Variants in CALB1 observed in about 807,000 individuals in gnomAD.
The protein encoded by CALB1 is calbindin.
Under a neutral mutation model 46.7 loss-of-function variants are expected in CALB1, and 16 were observed. The ratio of observed to expected loss-of-function variants is 0.34; its 90% CI spans 0.23 to 0.52. CALB1 has a LOEUF of 0.52. Ranked by LOEUF, CALB1 falls within the 20% of genes least tolerant of loss-of-function variation. CALB1 has a pLI of 0.95. For missense variants in CALB1, 224 were observed against 300.3 expected (o/e 0.75, Z 1.88); for synonymous variants, 90 against 112.8 (o/e 0.80, Z 1.28).
chr8:90,063,554 A>G, intron 6 of CALB1, 93 bp from the exon 7 acceptor site: 1 of 1,052,312 alleles, frequency 9.5e-7, no homozygotes, highest in Middle Eastern at 2.9e-4. Flanking sequence ...TGAGTTATCA[A>G]CTACTTGTAT....
At chr8:90,073,881 G>A (rs1037421102) in intron 3 of CALB1, among the ~76,000 whole-genome samples, 19 of 152,188 alleles carry the variant, frequency 1.2e-4, no homozygotes, top group Non-Finnish European at 2.9e-5. Context: ...AGTACTAGTT[G>A]TGAGGAGAGT....
intron 2 of CALB1, among the ~76,000 whole-genome samples, chr8:90,081,260 C>T (rs1185856179): frequency 5.9e-5 from 9 of 152,152 alleles, no homozygotes; most frequent in Admixed American, 5.9e-4. Context: ...TGCTGCCCAT[C>T]AGAGTATCAC....
Position 90,082,827 on chromosome 8 carries a change from G to A in CALB1, c.-130C>T. On this transcript the variant is annotated 5_prime_UTR_variant, in exon 1 of 11. Coordinates refer to ENST00000265431, the MANE Select transcript of CALB1 (RefSeq NM_004929.4). The stretch of plus-strand genomic sequence containing the variant: ...GGGAGACCTGGGCGCGGGCGCTGCC[G>A]GGCGCTGTCCTCGGTGCTGCTCAGC... 1 of 819,916 alleles carries A rather than the reference G, an allele frequency of 1.2e-6. No individual in the cohort carries two copies. Among genetic ancestry groups the A allele is most frequent in the East Asian group, 2.5e-5 (1 of 40,108 alleles). The allele number at this position is 819,916 out of a possible 1,614,324, so 50.8% of individuals were successfully genotyped here.
intron 2 of CALB1, among the ~76,000 whole-genome samples, chr8:90,080,953 G>A (rs1200971428): frequency 6.6e-6 from 1 of 151,980 alleles, no homozygotes; most frequent in Non-Finnish European, 1.5e-5. Context: ...TCTAAACGTA[G>A]TCAAAAAGGC....
chr8:90,069,811 G>A (rs1427502385), intron 3 of CALB1, among the ~76,000 whole-genome samples: 1 of 152,106 alleles, frequency 6.6e-6, no homozygotes, highest in South Asian at 2.1e-4. Flanking sequence ...ATGAATGGTG[G>A]GGCGTTAAAC....
chr8:90,060,971 T>C (rs1185296534), intron 9 of CALB1: 4 of 389,844 alleles, frequency 1.0e-5, no homozygotes, highest in African/African-American at 2.1e-5. Context: ...GTTAATAATA[T>C]CTTCTAGGAC....
In CALB1 at chr8:90,076,902, T is replaced by C. The variant is rs577164200; in HGVS notation, c.231+1471A>G. On this transcript the variant is annotated intron_variant, in intron 3 of 10. Coordinates refer to ENST00000265431, the MANE Select transcript of CALB1 (RefSeq NM_004929.4). ...TGTGAATCAGATCAATGCCTTTTAC[T>C]GCACAATCTAGTATCACTGAAGAAA... Among the ~76,000 whole-genome samples the C allele has an allele frequency of 2.6e-5, 4 of 152,116 alleles. No individual in the cohort carries two copies. In the South Asian group the frequency reaches 6.2e-4, roughly 24 times the overall value.
chr8:90,067,590 G>A (rs1488058683), intron 5 of CALB1, among the ~76,000 whole-genome samples: 1 of 152,136 alleles, frequency 6.6e-6, no homozygotes, highest in Admixed American at 6.6e-5. Context: ...GGATAAAATT[G>A]AGTATGTTTT....
At chr8:90,072,658 C>T (rs1446838837) in intron 3 of CALB1, among the ~76,000 whole-genome samples, 1 of 152,130 alleles carries the variant, frequency 6.6e-6, no homozygotes, top group African/African-American at 2.4e-5. Flanking sequence ...CAGAGCTGGG[C>T]ACAGTAATTC....
At chr8:90,069,295 G>A (rs1437871394) in intron 3 of CALB1, 58 bp from the exon 4 acceptor site, 5 of 1,257,102 alleles carry the variant, frequency 4.0e-6, no homozygotes, top group Non-Finnish European at 4.7e-6. Flanking sequence ...ACAAGTCTCT[G>A]CCATTACCTG....
intron 3 of CALB1, among the ~76,000 whole-genome samples, chr8:90,077,562 T>C (rs570383520): frequency 6.6e-6 from 1 of 151,980 alleles, no homozygotes; most frequent in Non-Finnish European, 1.5e-5. Context: ...CCACCCAATT[T>C]CTCTAATAGG....
intron 3 of CALB1, 108 bp downstream of exon 3, chr8:90,078,265 A>G: frequency 3.0e-6 from 2 of 665,150 alleles, no homozygotes; most frequent in East Asian, 2.9e-5. Flanking sequence ...CTTAGGTAAA[A>G]TAAACTGTAC....
At chr8:90,064,911 G>A (rs981917845) in intron 6 of CALB1, among the ~76,000 whole-genome samples, 1 of 151,842 alleles carries the variant, frequency 6.6e-6, no homozygotes, top group African/African-American at 2.4e-5. Context: ...AGTAAGCTGA[G>A]ATGCTGAAAG....
intron 5 of CALB1, 43 bp from the exon 6 acceptor site, chr8:90,066,018 T>C: frequency 8.1e-7 from 1 of 1,231,584 alleles, no homozygotes; most frequent in Non-Finnish European, 1.2e-6. Flanking sequence ...ATTAATAATA[T>C]ATCGTCTACT....
chr8:90,060,254 C>G lies in CALB1; in HGVS notation c.705G>C (p.Lys235Asn), dbSNP rs756155752. 6.2e-7 allele frequency: 1 copy of G among 1,610,342 alleles called. No individual in the cohort carries two copies. The highest frequency in any genetic ancestry group is 1.1e-5 in the South Asian group (1 of 91,002). The stretch of plus-strand genomic sequence containing the variant: ...CATCCGACAAAGCCATTATGTTCTT[C>G]TTGTATGTTGTAATATTATTAATAT... Reference protein sequence around the residue: ...DLDINNITTYKKNIMALSDGG... With the variant: ...DLDINNITTYNKNIMALSDGG... The change falls in exon 11 of 11, where the codon AAG (lysine) becomes AAC (asparagine). Residue 235 changes from lysine (K) to asparagine (N), a missense_variant. By Grantham distance (94) the Lys-to-Asn change is moderately conservative (BLOSUM62 0). Transcript: ENST00000265431.
chr8:90,066,544 G>C (rs1814400310), intron 5 of CALB1, among the ~76,000 whole-genome samples: 1 of 151,928 alleles, frequency 6.6e-6, no homozygotes, highest in Admixed American at 6.6e-5. Context: ...AAAGCACTTT[G>C]GTTAAAATGC....
At chr8:90,067,362 CA>C (rs1392237216) in intron 5 of CALB1, among the ~76,000 whole-genome samples, 2 of 151,996 alleles carry the variant, frequency 1.3e-5, no homozygotes, top group East Asian at 3.8e-4. Context: ...AAATTTAGAA[CA>C]AAGAAGGAGG....
intron 9 of CALB1, 160 bp from the exon 10 acceptor site, chr8:90,060,860 G>A (rs963023267): frequency 7.8e-6 from 5 of 643,412 alleles, no homozygotes; most frequent in Middle Eastern, 2.9e-4. Flanking sequence ...CTGCTCCAAA[G>A]CTGTAAAATA....
chr8:90,069,836 C>T (rs1437902350), intron 3 of CALB1, among the ~76,000 whole-genome samples: 2 of 152,114 alleles, frequency 1.3e-5, no homozygotes, highest in African/African-American at 4.8e-5. Flanking sequence ...ATAGGAAAAG[C>T]CAGTTCTCAA....
Sources: gnomAD v4.1 joint callset for allele counts (sites outside exome capture counted in the v4.1 genomes callset) on GRCh38, gnomAD v4.1.1 for gene constraint, MANE v1.5 for transcripts, NCBI Gene and HGNC (gene_info 2026-07-23, HGNC 2026-07-21) for gene names.